The following ENPP2 variants were observed in gnomAD, a reference collection of about 807,000 sequenced individuals.
ENPP2 encodes autotaxin.
In ENPP2, 51 loss-of-function variants were observed where a neutral mutation model predicts 120.2. That is an observed-to-expected ratio of 0.42 (90% CI 0.34 to 0.54). ENPP2 has a LOEUF of 0.54. Ranked by LOEUF, ENPP2 falls within the 20% of genes least tolerant of loss-of-function variation. The pLI is 0.04. For synonymous variants in ENPP2, 365 were observed against 366.4 expected, an observed-to-expected ratio of 1.00 and a Z score of 0.04; for missense variants, 920 against 1,066.5, an observed-to-expected ratio of 0.86 and a Z score of 1.91.
At chr8:119,625,980 C>T (rs1816244831) in intron 3 of ENPP2, among the ~76,000 whole-genome samples, 1 of 152,118 alleles carries the variant, frequency 6.6e-6, no homozygotes. Flanking sequence ...GAATGACAGG[C>T]ACACTAACAG....
intron 13 of ENPP2, among the ~76,000 whole-genome samples, chr8:119,587,996 A>G (rs950785630): frequency 1.1e-4 from 16 of 152,194 alleles, no homozygotes; most frequent in Non-Finnish European, 2.2e-4. Flanking sequence ...TAGACACTCA[A>G]TATACATTTG....
chr8:119,581,642 T>A (rs1398382735), intron 18 of ENPP2, among the ~76,000 whole-genome samples: 3 of 152,122 alleles, frequency 2.0e-5, no homozygotes, highest in African/African-American at 7.2e-5. Context: ...GAAGGTACTA[T>A]GCGAACCCCA....
chr8:119,586,413 C>A, intron 14 of ENPP2, 100 bp from the exon 15 acceptor site: 1 of 1,091,176 alleles, frequency 9.2e-7, no homozygotes, highest in South Asian at 1.4e-5. Context: ...TAAGCCTAAC[C>A]AAAGGTTAAT....
rs765051693 is a variant in ENPP2 at position 119,564,895 on chromosome 8, A to G, written c.2192T>C (p.Val731Ala). 2 of 1,612,902 alleles carry G rather than the reference A, an allele frequency of 1.2e-6. No individual in the cohort carries two copies. Among genetic ancestry groups the G allele is most frequent in the African/African-American group, 2.7e-5 (2 of 74,950 alleles). Residue 731 changes from valine (V) to alanine (A), a missense_variant, in exon 23 of 25, where the codon GTT (valine) becomes GCT (alanine). Val to Ala is a moderately conservative substitution (Grantham distance 64). Coordinates refer to ENST00000075322, the MANE Select transcript of ENPP2 (RefSeq NM_001040092.3). ...VKKYASERNG[V>A]NVISGPIFDY... Reference sequence around the variant, plus strand: ...GAAGATTGGTCCACTTATCACGTTAACTCCATTTCTTTCCGAAGCATATTT... The same window carrying G: ...GAAGATTGGTCCACTTATCACGTTAGCTCCATTTCTTTCCGAAGCATATTT...
chr8:119,562,822 A>C, intron 24 of ENPP2, 35 bp downstream of exon 24: 2 of 1,598,022 alleles, frequency 1.3e-6, no homozygotes, highest in Non-Finnish European at 1.7e-6. Context: ...TGAACTATGG[A>C]AGCAAATCCT....
At chr8:119,619,685 G>A (rs1815747683) in intron 4 of ENPP2, among the ~76,000 whole-genome samples, 1 of 146,300 alleles carries the variant, frequency 6.8e-6, no homozygotes. Flanking sequence ...GCCATAGAAA[G>A]CATGGCAAAA....
At position 119,638,496 on chromosome 8, in the gene ENPP2, A is replaced by G; in HGVS notation, c.65T>C (p.Val22Ala). The part of the protein sequence containing the change: ...IISLFTFAVG[V>A]NICLGFTAHR... ...TGCAGTGAATCCTAAGCAGATATTG[A>G]CTCCAACGGCAAAAGTGAACAGGGA... The change falls in exon 2 of 25, where the codon GTC becomes GCC. Residue 22 changes from valine (V) to alanine (A), a missense_variant. Physicochemically the swap from Val to Ala is moderately conservative, Grantham distance 64. Transcript: ENST00000075322. 6.2e-7 allele frequency: 1 copy of G among 1,608,482 alleles called. No individual in the cohort carries two copies. The highest frequency in any genetic ancestry group is 8.5e-7 in the Non-Finnish European group (1 of 1,174,846).
In ENPP2 at chr8:119,626,432, A is replaced by G. The variant is rs1459052316; in HGVS notation, c.292+133T>C. On this transcript the variant is annotated intron_variant, in intron 3 of 24. Transcript: ENST00000075322. ...GGGTATGCTCTTCAAAGAACCAATA[A>G]TCATTCAACAAACAAAACTAGAATC... is the stretch of plus-strand genomic sequence containing the variant. 4.7e-6 allele frequency: 3 copies of G among 633,786 alleles called. No individual in the cohort carries two copies. In the East Asian group the frequency reaches 8.0e-5, roughly 17 times the overall value. 39.3% of individuals were successfully genotyped at this position (633,786 alleles called of 1,614,324 possible).
At chr8:119,639,002 CT>C (rs1199699184), upstream of ENPP2, 1 of 155,560 alleles carries the variant, frequency 6.4e-6, no homozygotes, top group African/African-American at 2.4e-5. Flanking sequence ...TCCCCGCCCC[CT>C]TACAGGTCCC....
chr8:119,572,524 A>G (rs1307359183), intron 19 of ENPP2: 3 of 397,310 alleles, frequency 7.6e-6, no homozygotes, highest in East Asian at 4.0e-5. Flanking sequence ...GTAACACTCT[A>G]TTCCACAAAG....
At chr8:119,580,242 G>A (rs2289887) in intron 18 of ENPP2, 75 bp from the exon 19 acceptor site, 72,880 of 1,132,278 alleles carry the variant, frequency 0.064, 3,193 homozygotes, top group Admixed American at 0.14. Flanking sequence ...CCCTTCTGTC[G>A]ACTTAGCACC....
intron 8 of ENPP2, among the ~76,000 whole-genome samples, chr8:119,611,625 A>G (rs1465905474): frequency 6.6e-6 from 1 of 152,226 alleles, no homozygotes; most frequent in Admixed American, 6.5e-5. Context: ...CCGAAACACA[A>G]TAGCGGAGCC....
At chr8:119,611,573 C>G (rs1347431516) in intron 8 of ENPP2, among the ~76,000 whole-genome samples, 1 of 152,198 alleles carries the variant, frequency 6.6e-6, no homozygotes, top group Non-Finnish European at 1.5e-5. Context: ...AGGGGAAGCA[C>G]AGGCCAAATA....
intron 1 of ENPP2, among the ~76,000 whole-genome samples, chr8:119,649,498 T>C (rs964625364): frequency 6.6e-6 from 1 of 152,002 alleles, no homozygotes; most frequent in Non-Finnish European, 1.5e-5. Context: ...ATAAGTGAGA[T>C]TTGCACACTA....
rs1462468547 is a variant in ENPP2 at position 119,562,913 on chromosome 8, G to A, written c.2365C>T (p.Leu789Phe). 2 of 1,614,086 alleles carry A rather than the reference G, an allele frequency of 1.2e-6. No individual in the cohort carries two copies. The highest frequency in any genetic ancestry group is 8.5e-7 in the Non-Finnish European group (1 of 1,180,038). ...GGCAGGATGAAGGAGGACACAGAGA[G>A]AGGGCCGTCACACTTGTCGGCAGGC... ...TQPADKCDGP[L>F]SVSSFILPHR... Residue 789 changes from leucine to phenylalanine, a missense_variant, in exon 24 of 25, where the codon CTC becomes TTC. Leu to Phe is a conservative substitution (Grantham distance 22). Transcript: ENST00000075322.
At chr8:119,651,718 C>T (rs939003430) in intron 1 of ENPP2, among the ~76,000 whole-genome samples, 1 of 152,012 alleles carries the variant, frequency 6.6e-6, no homozygotes, top group South Asian at 2.1e-4. Context: ...CTTGTGACCC[C>T]CAAAAAGAAT....
intron 24 of ENPP2, among the ~76,000 whole-genome samples, chr8:119,562,507 C>T (rs932937184): frequency 3.3e-5 from 5 of 152,124 alleles, no homozygotes; most frequent in Non-Finnish European, 2.9e-5. Context: ...ATTCCATGAC[C>T]TCTTACCAAG....
chr8:119,578,324 G>T (rs2130248323), intron 19 of ENPP2: 1 of 152,330 alleles, frequency 6.6e-6, no homozygotes, highest in South Asian at 2.1e-4. Context: ...AGAGTGCTGG[G>T]ATTACAGGCA....
chr8:119,594,819 A>G (rs944755303), intron 11 of ENPP2, among the ~76,000 whole-genome samples: 8 of 152,252 alleles, frequency 5.3e-5, no homozygotes, highest in Non-Finnish European at 1.0e-4. Flanking sequence ...TAAGATAAGA[A>G]CAGAAAGGAT....
Sources: gnomAD v4.1 joint callset for allele counts (sites outside exome capture counted in the v4.1 genomes callset) on GRCh38, gnomAD v4.1.1 for gene constraint, MANE v1.5 for transcripts, NCBI Gene and HGNC (gene_info 2026-07-23, HGNC 2026-07-21) for gene names.